CAMSAP2: variants seen among roughly 807,000 people sequenced by gnomAD.
CAMSAP2 encodes calmodulin-regulated spectrin-associated protein 2.
Under a neutral mutation model 146.1 loss-of-function variants are expected in CAMSAP2, and 26 were observed. The ratio of observed to expected loss-of-function variants is 0.18; its 90% CI spans 0.13 to 0.25. The LOEUF (loss-of-function observed/expected upper bound fraction) is 0.25, where lower values mean the gene tolerates loss of function less well. Among genes scored for constraint, CAMSAP2 ranks in the 10% least tolerant of loss-of-function variants. The probability of loss-of-function intolerance (pLI) is 1.00; values close to 1 mark genes in which losing one functional copy is unlikely to be tolerated. For synonymous variants in CAMSAP2, 499 were observed against 596.6 expected (o/e 0.84, Z 2.38); for missense variants, 1,381 against 1,759.3 (o/e 0.78, Z 3.85).
chr1:200,837,258 A>AT (rs1667208184), intron 6 of CAMSAP2, among the ~76,000 whole-genome samples: 1 of 152,014 alleles, frequency 6.6e-6, no homozygotes, highest in South Asian at 2.1e-4. Context: ...TCTTGAGTTA[A>AT]TTTTTTTATA....
intron 12 of CAMSAP2, among the ~76,000 whole-genome samples, chr1:200,852,962 A>G (rs1667658720): frequency 6.6e-6 from 1 of 151,960 alleles, no homozygotes; most frequent in Non-Finnish European, 1.5e-5. Context: ...TTAAATAATT[A>G]TATGTTTAAA....
At chr1:200,778,862 AGCCATTTTTTTTGCAAG>A (rs1665354235) in intron 2 of CAMSAP2, among the ~76,000 whole-genome samples, 1 of 152,150 alleles carries the variant, frequency 6.6e-6, no homozygotes, top group Non-Finnish European at 1.5e-5. Flanking sequence ...GTTGGGTCCA[AGCCATTTTTTTTGCAAG>A]AGCAGATAAA....
rs772205105 is a variant in CAMSAP2, at chr1:200,860,295, G to T, written c.*2236G>T. On this transcript the variant is annotated 3_prime_UTR_variant, in exon 17 of 17. Transcript: ENST00000358823. ...CATTTCATAAAGTCTGAGGATTTTC[G>T]TCAACCTTACTGAAACACACTGGTG... is the stretch of plus-strand genomic sequence containing the variant. 2.6e-5 allele frequency: 4 copies of T among 152,360 alleles called. No homozygotes were observed. Among genetic ancestry groups the T allele is most frequent in the African/African-American group, 9.7e-5 (4 of 41,328 alleles). The allele number at this position is 152,360 out of a possible 1,614,324, so 9.4% of individuals were successfully genotyped here.
intron 2 of CAMSAP2, among the ~76,000 whole-genome samples, chr1:200,778,367 T>C (rs572196888): frequency 4.2e-4 from 64 of 152,316 alleles, no homozygotes; most frequent in African/African-American, 1.5e-3. Flanking sequence ...AAATACGTAT[T>C]TATTGAGTTG....
At chr1:200,743,468 A>T (rs756315407) in intron 1 of CAMSAP2, among the ~76,000 whole-genome samples, 1 of 152,134 alleles carries the variant, frequency 6.6e-6, no homozygotes, top group African/African-American at 2.4e-5. Flanking sequence ...AGTGGGTAGC[A>T]TTGTGGTTAA....
intron 8 of CAMSAP2, among the ~76,000 whole-genome samples, chr1:200,845,991 A>G (rs966107511): frequency 4.6e-5 from 7 of 152,162 alleles, no homozygotes; most frequent in African/African-American, 1.7e-4. Context: ...TTTTATTTGA[A>G]TCTATTAGAA....
intron 4 of CAMSAP2, among the ~76,000 whole-genome samples, chr1:200,817,185 C>CGTGTGTGTGTAT (rs1666601500): frequency 4.2e-5 from 3 of 70,800 alleles, no homozygotes; most frequent in African/African-American, 6.8e-5. Context: ...TATACACACA[C>CGTGTGTGTGTAT]ACACATGTGT....
At chr1:200,779,632 C>T (rs6658395) in intron 2 of CAMSAP2, among the ~76,000 whole-genome samples, 48,109 of 152,016 alleles carry the variant, frequency 0.32, 8,687 homozygotes, top group East Asian at 0.53. Flanking sequence ...GACAAATATT[C>T]AACTAATGTG....
intron 4 of CAMSAP2, among the ~76,000 whole-genome samples, chr1:200,815,967 C>T (rs1298661825): frequency 6.6e-6 from 1 of 152,180 alleles, no homozygotes; most frequent in African/African-American, 2.4e-5. Context: ...TTTATAATGA[C>T]ATGCAATGCA....
chr1:200,783,586 A>G (rs1665499727), intron 2 of CAMSAP2, among the ~76,000 whole-genome samples: 1 of 152,008 alleles, frequency 6.6e-6, no homozygotes, highest in Admixed American at 6.6e-5. Flanking sequence ...AGCCTCTATC[A>G]ATCCTCCCTC....
At chr1:200,804,501 G>A (rs1232693751) in intron 2 of CAMSAP2, among the ~76,000 whole-genome samples, 1 of 152,062 alleles carries the variant, frequency 6.6e-6, no homozygotes, top group Non-Finnish European at 1.5e-5. Context: ...CTGCCAAGAG[G>A]AGTCTTAAGA....
At chr1:200,833,292 G>A (rs1350910825) in intron 6 of CAMSAP2, among the ~76,000 whole-genome samples, 2 of 152,068 alleles carry the variant, frequency 1.3e-5, no homozygotes, top group Non-Finnish European at 2.9e-5. Flanking sequence ...CAGTTGTAGT[G>A]ACTCGTGCCT....
chr1:200,744,844 G>C (rs1664275982), intron 1 of CAMSAP2, among the ~76,000 whole-genome samples: 3 of 152,128 alleles, frequency 2.0e-5, no homozygotes, highest in Non-Finnish European at 2.9e-5. Flanking sequence ...ACATAGACCA[G>C]ATTGATGGGA....
At position 200,816,956 on chromosome 1, in the gene CAMSAP2, A is replaced by G. The variant is rs532779391; in HGVS notation, c.645+1312A>G. Among the ~76,000 whole-genome samples, 2 of 54,368 alleles carry G rather than the reference A, an allele frequency of 3.7e-5. 1 individual carries two copies. The highest frequency in any genetic ancestry group is 7.2e-5 in the Non-Finnish European group (2 of 27,884). 35.7% of individuals were successfully genotyped at this position (54,368 alleles called of 152,430 possible). On this transcript the variant is annotated intron_variant, in intron 4 of 16. Coordinates refer to ENST00000358823, the MANE Select transcript of CAMSAP2 (RefSeq NM_203459.4). ...CACGCGTGTGTATGTGTGTACACACACACGCGTGTGTATGTGTATATATCT... is the reference window on the plus strand; with the variant it reads ...CACGCGTGTGTATGTGTGTACACACGCACGCGTGTGTATGTGTATATATCT...
At chr1:200,838,587 C>A (rs576805378) in intron 6 of CAMSAP2, among the ~76,000 whole-genome samples, 1 of 152,008 alleles carries the variant, frequency 6.6e-6, no homozygotes, top group African/African-American at 2.4e-5. Context: ...TAAACTTTGT[C>A]TTTTTAGACT....
intron 6 of CAMSAP2, among the ~76,000 whole-genome samples, chr1:200,835,150 A>G (rs909577837): frequency 3.3e-5 from 5 of 152,158 alleles, no homozygotes; most frequent in African/African-American, 1.2e-4. Context: ...GAAGAATTTT[A>G]GGATTTGTTT....
intron 1 of CAMSAP2, among the ~76,000 whole-genome samples, chr1:200,754,659 T>A (rs930375630): frequency 1.4e-5 from 2 of 143,500 alleles, no homozygotes; most frequent in African/African-American, 5.2e-5. Context: ...CTCGGCTCAG[T>A]GCAAGCTCTG....
chr1:200,855,679 C>A (rs1373782220), intron 14 of CAMSAP2, among the ~76,000 whole-genome samples: 2 of 151,996 alleles, frequency 1.3e-5, no homozygotes, highest in African/African-American at 4.8e-5. Flanking sequence ...TCACTGCAAC[C>A]CCTGCCTCCT....
At chr1:200,847,980 AAAAATC>A in intron 10 of CAMSAP2, 46 bp from the exon 11 acceptor site, 1 of 1,230,360 alleles carries the variant, frequency 8.1e-7, no homozygotes, top group East Asian at 2.4e-5. Context: ...AAATGATACT[AAAAATC>A]ATTTCTAGGA....
Sources: allele counts gnomAD v4.1 joint callset (sites outside exome capture counted in the v4.1 genomes callset), GRCh38; gene constraint gnomAD v4.1.1; transcripts MANE v1.5; gene names NCBI Gene and HGNC (gene_info 2026-07-23, HGNC 2026-07-21).